Variants in FBXO21 observed in about 807,000 individuals in gnomAD.
The protein encoded by FBXO21 is F-box protein 21, also known as F-box only protein 21.
In FBXO21, 32 loss-of-function variants were observed where a neutral mutation model predicts 76.6. The ratio of observed to expected loss-of-function variants is 0.42; its 90% CI spans 0.32 to 0.56. FBXO21 has a LOEUF of 0.56. Among genes scored for constraint, FBXO21 ranks in the 20% least tolerant of loss-of-function variants. FBXO21 has a pLI of 0.16. For missense variants in FBXO21, 586 were observed against 797.3 expected (o/e 0.73, Z 3.19); for synonymous variants, 328 against 311.5 (o/e 1.05, Z -0.56).
Position 117,174,693 on chromosome 12 carries a change from G to T in FBXO21, c.697C>A (p.Arg233=), listed in dbSNP as rs757632362. ...CTGGGGTGGCGACTGTTTATGCCCC[G>T]AAGGGTTTTGCAAACAAGCTCCACG... is the stretch of plus-strand genomic sequence containing the variant. ...SIVELVCKTL[R]GINSRHPSLA... The change falls in exon 5 of 12, where the codon CGG becomes AGG. Residue 233 remains arginine, a synonymous_variant. Coordinates refer to ENST00000622495, the MANE Select transcript of FBXO21 (RefSeq NM_015002.3). The T allele has an allele frequency of 3.5e-5, 56 of 1,614,130 alleles. No individual in the cohort carries two copies. In the East Asian group the frequency reaches 1.2e-3, roughly 36 times the overall value.
chr12:117,172,561 T>C lies in FBXO21; in HGVS notation c.923A>G (p.Tyr308Cys), dbSNP rs2135871886. 1.2e-6 allele frequency: 2 copies of C among 1,614,194 alleles called. No individual in the cohort carries two copies. The highest frequency in any genetic ancestry group is 2.2e-5 in the East Asian group (1 of 44,888). The change falls in exon 7 of 12, where the codon TAT (tyrosine) becomes TGT (cysteine). Residue 308 changes from tyrosine to cysteine, a missense_variant. Physicochemically the swap from Tyr to Cys is radical, Grantham distance 194. Around this residue, in one of 6 missense-constraint regions of FBXO21, gnomAD observed 246 missense variants for 356.8 expected, o/e 0.69. Coordinates refer to ENST00000622495, the MANE Select transcript of FBXO21 (RefSeq NM_015002.3). Reference protein sequence around the residue: ...TGIPISMSLLYLTIARQLGVP... With the variant: ...TGIPISMSLLCLTIARQLGVP... ...TCCCAACTGCCGAGCAATTGTCAAATAGAGCAGAGACATGCTGATTGGGAT... is the reference window on the plus strand; with the variant it reads ...TCCCAACTGCCGAGCAATTGTCAAACAGAGCAGAGACATGCTGATTGGGAT...
intron 7 of FBXO21, 123 bp from the exon 8 acceptor site, chr12:117,167,200 G>T: frequency 1.3e-6 from 1 of 747,574 alleles, no homozygotes; most frequent in Non-Finnish European, 2.2e-6. Context: ...CAATATGAAG[G>T]TCTTGTCCAA....
At chr12:117,164,982 T>C (rs914526122) in intron 9 of FBXO21, among the ~76,000 whole-genome samples, 4 of 152,192 alleles carry the variant, frequency 2.6e-5, no homozygotes, top group African/African-American at 9.7e-5. Flanking sequence ...AGGGGGCCAT[T>C]AAAAAACTGA....
At position 117,150,018 on chromosome 12, in the gene FBXO21, G is replaced by C. The variant is rs189075639; in HGVS notation, c.1676-3741C>G. Reference sequence around the variant, plus strand: ...CTCCTGGCTGTTAGAGAGGAGCAAGGACTGGATTTGGTGCATTTACTGGCC... The same window carrying C: ...CTCCTGGCTGTTAGAGAGGAGCAAGCACTGGATTTGGTGCATTTACTGGCC... On this transcript the variant is annotated intron_variant, in intron 11 of 11. Transcript: ENST00000622495. Among the ~76,000 whole-genome samples the C allele has an allele frequency of 6.7e-3, 1,013 of 152,276 alleles. 11 individuals are homozygous for C. The highest frequency in any genetic ancestry group is 5.6e-3 in the Non-Finnish European group (381 of 68,032).
In FBXO21 at chr12:117,174,330, T is replaced by C. The variant is rs750361144; in HGVS notation, c.751A>G (p.Met251Val). Residue 251 changes from methionine to valine, a missense_variant, in exon 6 of 12, where the codon ATG (methionine) becomes GTG (valine). Around this residue, in one of 6 missense-constraint regions of FBXO21, gnomAD observed 246 missense variants for 356.8 expected, o/e 0.69. Transcript: ENST00000622495. ...CTCTGGAGTTCTATTTCCATTATCA[T>C]GGATGATTCACCTGAAACACAGAGA... Reference protein sequence around the residue: ...SLAFKAGESSMIMEIELQSQV... With the variant: ...SLAFKAGESSVIMEIELQSQV... 3.7e-6 allele frequency: 6 copies of C among 1,614,048 alleles called. No homozygotes were observed. In the South Asian group the frequency reaches 5.5e-5, roughly 15 times the overall value.
intron 2 of FBXO21, among the ~76,000 whole-genome samples, chr12:117,188,563 G>T (rs1015037159): frequency 5.6e-5 from 8 of 142,036 alleles, no homozygotes; most frequent in Non-Finnish European, 1.1e-4. Context: ...AAAAAAGAAA[G>T]AAACTTCCAT....
intron 3 of FBXO21, 112 bp from the exon 4 acceptor site, chr12:117,177,753 C>A: frequency 1.3e-6 from 1 of 767,914 alleles, no homozygotes; most frequent in South Asian, 2.0e-5. Flanking sequence ...ATAATTGGTT[C>A]ATTCTCTTAT....
At chr12:117,179,608 T>G (rs538427246) in intron 3 of FBXO21, among the ~76,000 whole-genome samples, 1 of 152,358 alleles carries the variant, frequency 6.6e-6, no homozygotes, top group Admixed American at 6.5e-5. Flanking sequence ...AGAGGCTACA[T>G]GAGATACAGA....
At chr12:117,169,240 C>T (rs546098653) in intron 7 of FBXO21, among the ~76,000 whole-genome samples, 6 of 152,156 alleles carry the variant, frequency 3.9e-5, no homozygotes, top group Admixed American at 1.3e-4. Context: ...CCAAAAACTG[C>T]GTGCTCTCAC....
At chr12:117,147,984 G>A (rs912936140) in intron 11 of FBXO21, among the ~76,000 whole-genome samples, 2 of 152,220 alleles carry the variant, frequency 1.3e-5, no homozygotes, top group African/African-American at 4.8e-5. Context: ...GACACGAACA[G>A]CGTGGCCTAT....
chr12:117,187,420 CAAAAA>C (rs921514232), intron 2 of FBXO21, among the ~76,000 whole-genome samples: 3 of 59,692 alleles, frequency 5.0e-5, no homozygotes, highest in Non-Finnish European at 9.0e-5. Flanking sequence ...AACTCTGTCT[CAAAAA>C]AAAAAAAAAA....
At chr12:117,182,296 C>G (rs939310282) in intron 3 of FBXO21, among the ~76,000 whole-genome samples, 6 of 152,150 alleles carry the variant, frequency 3.9e-5, no homozygotes, top group Non-Finnish European at 8.8e-5. Flanking sequence ...GAGTTCAAGA[C>G]CAGCCTGGGA....
At chr12:117,161,004 G>A (rs1254706442) in intron 9 of FBXO21, among the ~76,000 whole-genome samples, 2 of 152,158 alleles carry the variant, frequency 1.3e-5, no homozygotes, top group Non-Finnish European at 2.9e-5. Context: ...TGTTGAGAGC[G>A]TGGGGAAGGC....
At chr12:117,151,594 C>A (rs529788167) in intron 11 of FBXO21, among the ~76,000 whole-genome samples, 1 of 152,212 alleles carries the variant, frequency 6.6e-6, no homozygotes, top group South Asian at 2.1e-4. Context: ...CAGAAATGTT[C>A]AAAAAATATT....
At chr12:117,185,827 T>C (rs1956276483) in intron 3 of FBXO21, among the ~76,000 whole-genome samples, 1 of 152,188 alleles carries the variant, frequency 6.6e-6, no homozygotes, top group South Asian at 2.1e-4. Context: ...AATCTGATAG[T>C]AAGTGGAGAG....
At position 117,190,403 on chromosome 12, in the gene FBXO21, C is replaced by T; in HGVS notation, c.54G>A (p.Glu18=). The T allele has an allele frequency of 6.7e-7, 1 of 1,492,404 alleles. No homozygotes were observed. The highest frequency in any genetic ancestry group is 8.9e-7 in the Non-Finnish European group (1 of 1,127,414). The allele number at this position is 1,492,404 out of a possible 1,614,324, so 92.4% of individuals were successfully genotyped here. The change falls in exon 1 of 12, where the codon GAG becomes GAA. Residue 18 remains glutamate (E), a synonymous_variant. Coordinates refer to ENST00000622495, the MANE Select transcript of FBXO21 (RefSeq NM_015002.3). ...SAMEVVPALA[E]EAAPEVAGLS... is the part of the protein sequence containing the mutation. ...GGCCCGCTACCTCCGGCGCGGCCTC[C>T]TCCGCCAGCGCCGGCACCACCTCCA...
At chr12:117,187,263 A>G (rs1956292777) in intron 2 of FBXO21, among the ~76,000 whole-genome samples, 1 of 150,950 alleles carries the variant, frequency 6.6e-6, no homozygotes, top group Non-Finnish European at 1.5e-5. Flanking sequence ...TCTACTAAAA[A>G]TACAAAATTA....
chr12:117,184,270 T>C (rs1473200126), intron 3 of FBXO21, among the ~76,000 whole-genome samples: 1 of 152,070 alleles, frequency 6.6e-6, no homozygotes, highest in Non-Finnish European at 1.5e-5. Context: ...GGTTTATAAA[T>C]TAATTTGGGG....
intron 7 of FBXO21, among the ~76,000 whole-genome samples, chr12:117,171,179 C>T (rs1254549341): frequency 1.3e-5 from 2 of 151,860 alleles, no homozygotes; most frequent in African/African-American, 2.4e-5. Flanking sequence ...GCCTGGGCAA[C>T]ATGGCAAGAC....
Sources: gnomAD v4.1 joint callset for allele counts (sites outside exome capture counted in the v4.1 genomes callset) on GRCh38, gnomAD v4.1.1 for gene constraint, gnomAD v4.1.1 regional missense constraint, MANE v1.5 for transcripts, NCBI Gene and HGNC (gene_info 2026-07-23, HGNC 2026-07-21) for gene names.